Variants in FGF14 observed in about 807,000 individuals in gnomAD.
FGF14 encodes the protein fibroblast growth factor 14, also known as fibroblast growth factor homologous factor 4.
FGF14 carries 5 observed loss-of-function variants against 25.5 expected under a neutral mutation model. The ratio of observed to expected loss-of-function variants is 0.20; its 90% CI spans 0.10 to 0.41. FGF14 has a LOEUF of 0.41. Ranked by LOEUF, FGF14 falls within the 10% of genes least tolerant of loss-of-function variation. The probability of loss-of-function intolerance (pLI) is 1.00; values close to 1 mark genes in which losing one functional copy is unlikely to be tolerated. For missense variants in FGF14, 222 were observed against 320.1 expected (o/e 0.69, Z 2.34); for synonymous variants, 138 against 118.3 (o/e 1.17, Z -1.08).
intron 1 of FGF14, chr13:102,366,445 A>G (rs976770672): frequency 1.3e-5 from 2 of 152,176 alleles, no homozygotes; most frequent in Non-Finnish European, 2.9e-5. Flanking sequence ...GATTACTCAC[A>G]TAAAATGCTA....
At chr13:102,199,261 G>A (rs183350584) in intron 1 of FGF14, among the ~76,000 whole-genome samples, 72 of 152,160 alleles carry the variant, frequency 4.7e-4, no homozygotes, top group Non-Finnish European at 7.9e-4. Flanking sequence ...TAGAGAGTTC[G>A]TCTTTCTTCT....
intron 1 of FGF14, among the ~76,000 whole-genome samples, chr13:102,264,643 A>T (rs55796881): frequency 0.17 from 26,063 of 152,068 alleles, 2,336 homozygotes; most frequent in Non-Finnish European, 0.21. Flanking sequence ...AGAAACCACA[A>T]AGGATAGTAA....
chr13:102,274,095 G>C (rs775914167), intron 1 of FGF14, among the ~76,000 whole-genome samples: 19 of 152,190 alleles, frequency 1.2e-4, no homozygotes, highest in Non-Finnish European at 2.1e-4. Context: ...TAGATATCAT[G>C]TGGAAAACTG....
intron 1 of FGF14, among the ~76,000 whole-genome samples, chr13:102,013,533 C>T (rs537307140): frequency 1.3e-5 from 2 of 152,178 alleles, no homozygotes; most frequent in South Asian, 4.1e-4. Context: ...TAAGATGTTC[C>T]CCACTGAAAC....
intron 1 of FGF14, among the ~76,000 whole-genome samples, chr13:102,126,361 T>C (rs2045949239): frequency 6.6e-6 from 1 of 152,210 alleles, no homozygotes; most frequent in African/African-American, 2.4e-5. Context: ...GAGCATAATG[T>C]TTTCAAGGTT....
intron 1 of FGF14, among the ~76,000 whole-genome samples, chr13:102,220,804 A>G (rs2050577630): frequency 6.6e-6 from 1 of 152,196 alleles, no homozygotes; most frequent in Non-Finnish European, 1.5e-5. Flanking sequence ...ATAAGATTAT[A>G]CAAGTTAACA....
At position 101,712,867 on chromosome 13, in the gene FGF14, G is replaced by A. The variant is rs1314816239; in HGVS notation, c.*9964C>T. On this transcript the variant is annotated 3_prime_UTR_variant, in exon 5 of 5. Coordinates refer to ENST00000376143, the MANE Select transcript of FGF14 (RefSeq NM_004115.4). Reference sequence around the variant, plus strand: ...TCCTCACCTTGATGAGACCACAAGGGAACCAGCATCCTTTGCAGACTGACC... The same window carrying A: ...TCCTCACCTTGATGAGACCACAAGGAAACCAGCATCCTTTGCAGACTGACC... The A allele has an allele frequency of 6.6e-6, 1 of 152,126 alleles. No individual in the cohort carries two copies. Among genetic ancestry groups the A allele is most frequent in the Non-Finnish European group, 1.5e-5 (1 of 68,028 alleles). The allele number at this position is 152,126 out of a possible 1,614,324, so 9.4% of individuals were successfully genotyped here.
At chr13:101,895,828 A>T (rs866769983) in intron 1 of FGF14, among the ~76,000 whole-genome samples, 1 of 152,006 alleles carries the variant, frequency 6.6e-6, no homozygotes, top group Non-Finnish European at 1.5e-5. Flanking sequence ...ATTCTCACGT[A>T]TTTTTTTTAC....
At chr13:101,783,497 C>A (rs1328616414) in intron 3 of FGF14, among the ~76,000 whole-genome samples, 1 of 151,010 alleles carries the variant, frequency 6.6e-6, no homozygotes, top group Non-Finnish European at 1.5e-5. Context: ...CTGTCCATAT[C>A]CTTTGCCCAC....
At chr13:102,022,009 C>T (rs1039183725) in intron 1 of FGF14, among the ~76,000 whole-genome samples, 1 of 152,066 alleles carries the variant, frequency 6.6e-6, no homozygotes, top group African/African-American at 2.4e-5. Flanking sequence ...CACGGGGACT[C>T]CCCAGATAGA....
chr13:101,812,350 G>T (rs1202868059), intron 3 of FGF14, among the ~76,000 whole-genome samples: 1 of 151,780 alleles, frequency 6.6e-6, no homozygotes, highest in Non-Finnish European at 1.5e-5. Context: ...AACTAAGGTG[G>T]TAAATAATAC....
chr13:102,370,930 G>A lies in FGF14; in HGVS notation c.208+30541C>T, dbSNP rs552712259. Among the ~76,000 whole-genome samples, 37 of 139,512 alleles carry A rather than the reference G, an allele frequency of 2.7e-4. 1 individual carries two copies. The East Asian group carries it at 6.3e-3, about 24-fold the overall frequency. The allele number at this position is 139,512 out of a possible 152,430, so 91.5% of individuals were successfully genotyped here. On this transcript the variant is annotated intron_variant, in intron 1 of 4. Coordinates refer to the FGF14 transcript ENST00000376131. ...ATTTTTTATCCTCATACCTTCTTCCGCATACCAAAAAAAAAAAAAACCAAC... is the reference window on the plus strand; with the variant it reads ...ATTTTTTATCCTCATACCTTCTTCCACATACCAAAAAAAAAAAAAACCAAC...
chr13:101,913,665 T>A (rs2033181432), intron 1 of FGF14, among the ~76,000 whole-genome samples: 1 of 152,130 alleles, frequency 6.6e-6, no homozygotes, highest in Non-Finnish European at 1.5e-5. Flanking sequence ...CAATATTTTT[T>A]CCACCTCAAG....
chr13:101,795,241 C>T (rs1383232602), intron 3 of FGF14, among the ~76,000 whole-genome samples: 1 of 151,998 alleles, frequency 6.6e-6, no homozygotes, highest in Admixed American at 6.6e-5. Context: ...AGGGGACAGG[C>T]CAGATTTAAC....
intron 1 of FGF14, chr13:102,367,270 G>A (rs1056647289): frequency 2.0e-5 from 3 of 152,118 alleles, no homozygotes; most frequent in Admixed American, 6.6e-5. Flanking sequence ...CTTTCGAGAC[G>A]GCCCACTCTC....
At chr13:102,035,374 GT>G (rs2041419158) in intron 1 of FGF14, among the ~76,000 whole-genome samples, 3 of 152,040 alleles carry the variant, frequency 2.0e-5, no homozygotes, top group Admixed American at 2.0e-4. Flanking sequence ...TAAATGTGAA[GT>G]TTCTAGGAAG....
At chr13:101,981,342 C>A (rs1030293135) in intron 1 of FGF14, among the ~76,000 whole-genome samples, 1 of 152,136 alleles carries the variant, frequency 6.6e-6, no homozygotes, top group Non-Finnish European at 1.5e-5. Context: ...TGTAAGGACA[C>A]AGCTAGAAGG....
chr13:102,216,758 C>G (rs1045690731), intron 1 of FGF14, among the ~76,000 whole-genome samples: 1 of 146,570 alleles, frequency 6.8e-6, no homozygotes, highest in Non-Finnish European at 1.5e-5. Flanking sequence ...CTTATTCCTC[C>G]TATCTAACCA....
chr13:101,853,589 C>T (rs1199235275), intron 3 of FGF14, among the ~76,000 whole-genome samples: 1 of 151,958 alleles, frequency 6.6e-6, no homozygotes, highest in Non-Finnish European at 1.5e-5. Context: ...GCTAGGACTA[C>T]AGGTGCACAC....
Sources: allele counts gnomAD v4.1 joint callset (sites outside exome capture counted in the v4.1 genomes callset), GRCh38; gene constraint gnomAD v4.1.1; transcripts MANE v1.5; gene names NCBI Gene and HGNC (gene_info 2026-07-23, HGNC 2026-07-21).